Variants in HEATR9 observed in about 807,000 individuals in gnomAD.
The protein encoded by HEATR9 is HEAT repeat containing 9.
A neutral mutation model predicts 68.2 loss-of-function variants in HEATR9; 54 were observed. The observed-to-expected ratio is 0.79, with a 90% CI of 0.64 to 0.99. The LOEUF (loss-of-function observed/expected upper bound fraction) is 0.99, where lower values mean the gene tolerates loss of function less well. HEATR9 is among the 50% of genes least tolerant of loss of function. The pLI is 0.00. For synonymous variants in HEATR9, 241 were observed against 253.5 expected (o/e 0.95, Z 0.47); for missense variants, 662 against 679.7 (o/e 0.97, Z 0.29).
rs146713990 is a variant in HEATR9 at position 35,857,333 on chromosome 17, T to G, written c.1153-528A>C. ...TTCTGGTGGGGAGAATGGTGAGAGATGAAGCTAGAGAGGCAAGCAGGCTTG... is the reference window on the plus strand; with the variant it reads ...TTCTGGTGGGGAGAATGGTGAGAGAGGAAGCTAGAGAGGCAAGCAGGCTTG... On this transcript the variant is annotated intron_variant, in intron 11 of 14. Transcript: ENST00000604834. Among the ~76,000 whole-genome samples the G allele has an allele frequency of 7.5e-3, 1,142 of 152,160 alleles. 18 individuals are homozygous for G. Among genetic ancestry groups the G allele is most frequent in the African/African-American group, 0.027 (1,105 of 41,502 alleles).
At chr17:35,861,068 A>G in intron 8 of HEATR9, 1 of 871,318 alleles carries the variant, frequency 1.1e-6, no homozygotes. Context: ...AAATGGTTAC[A>G]GAGATTTTAA....
intron 13 of HEATR9, 99 bp from the exon 14 acceptor site, chr17:35,855,849 A>G (rs1340167409): frequency 9.9e-7 from 1 of 1,009,658 alleles, no homozygotes; most frequent in African/African-American, 1.6e-5. Flanking sequence ...TGCAGCATAG[A>G]GAGGGGGGAG....
intron 8 of HEATR9, chr17:35,861,326 A>G: frequency 6.9e-7 from 1 of 1,441,408 alleles, no homozygotes; most frequent in Non-Finnish European, 9.7e-7. Flanking sequence ...TCTTGCTAGT[A>G]TTTGATAGGT....
rs780742581 is a variant in HEATR9 at position 35,865,208 on chromosome 17, AAC to A, written c.320+5_320+6del. Reference sequence around the variant, plus strand: ...GTGAGAAGAATATGGAGGCCAGCAAAACACACCTACAGTCATCTCTCATTTTC... The same window carrying A: ...GTGAGAAGAATATGGAGGCCAGCAAAACACCTACAGTCATCTCTCATTTTC... On this transcript the variant is annotated splice_donor_5th_base_variant and intron_variant, in intron 3 of 14. Coordinates refer to ENST00000604834, the MANE Select transcript of HEATR9 (RefSeq NM_152781.4). 1.1e-5 allele frequency: 18 copies of A among 1,612,262 alleles called. No homozygotes were observed. The highest frequency in any genetic ancestry group is 3.3e-4 in the Middle Eastern group (2 of 6,040).
Position 35,864,262 on chromosome 17 carries a change from T to C in HEATR9, c.551A>G (p.Glu184Gly). ...CLRISDKFVMEALQQVAQTGP... is the reference protein window; with the variant it reads ...CLRISDKFVMGALQQVAQTGP... Reference sequence around the variant, plus strand: ...CAGACTCACCACCTGCTGTAGTGCCTCCATGACAAACTTGTCACTGATGCG... The same window carrying C: ...CAGACTCACCACCTGCTGTAGTGCCCCCATGACAAACTTGTCACTGATGCG... Residue 184 changes from glutamate (E) to glycine (G), a missense_variant, in exon 6 of 15, where the codon GAG becomes GGG. Physicochemically the swap from Glu to Gly is moderately conservative, Grantham distance 98. Transcript: ENST00000604834. 6.2e-7 allele frequency: 1 copy of C among 1,612,658 alleles called. No homozygotes were observed. The highest frequency in any genetic ancestry group is 1.1e-5 in the South Asian group (1 of 91,052).
chr17:35,855,097 T>G lies in HEATR9; in HGVS notation c.1679A>C (p.Lys560Thr), dbSNP rs1436866693. The change falls in exon 15 of 15, where the codon AAA (lysine) becomes ACA (threonine). Residue 560 changes from lysine (K) to threonine (T), a missense_variant. By Grantham distance (78) the Lys-to-Thr change is moderately conservative. Transcript: ENST00000604834. ...VIGPWQPRIK[K>T]QLRVLAEIAK ...AATTTCAGCAAGGACCCGGAGCTGT[T>G]TCTTGATCCTTGGCTGCCAGGGCCC... 1 of 1,613,854 alleles carries G rather than the reference T, an allele frequency of 6.2e-7. No homozygotes were observed. The highest frequency in any genetic ancestry group is 8.5e-7 in the Non-Finnish European group (1 of 1,179,990).
At chr17:35,861,408 T>G in intron 8 of HEATR9, 1 of 1,609,392 alleles carries the variant, frequency 6.2e-7, no homozygotes, top group Non-Finnish European at 8.5e-7. Context: ...TCCGGAATGC[T>G]TTGGTCCACC....
At position 35,857,449 on chromosome 17, in the gene HEATR9, A is replaced by T. The variant is rs74674525; in HGVS notation, c.1153-644T>A. ...AGGCACAATCTGATTTATATTTTTT[A>T]AAAATGTCTTTAGAAATATAACACC... On this transcript the variant is annotated intron_variant, in intron 11 of 14. Coordinates refer to ENST00000604834, the MANE Select transcript of HEATR9 (RefSeq NM_152781.4). Among the ~76,000 whole-genome samples the T allele has an allele frequency of 8.5e-3, 1,292 of 152,244 alleles. 26 individuals carry two copies. The highest frequency in any genetic ancestry group is 0.029 in the African/African-American group (1,213 of 41,530).
chr17:35,856,927 C>T, intron 11 of HEATR9, 122 bp from the exon 12 acceptor site: 1 of 887,838 alleles, frequency 1.1e-6, no homozygotes, highest in Non-Finnish European at 1.8e-6. Context: ...TTAAGGAGCT[C>T]ATAGTCTGGT....
At position 35,858,952 on chromosome 17, in the gene HEATR9, C is replaced by T. The variant is rs888293745; in HGVS notation, c.875G>A (p.Ser292Asn). ...CAACAAGAACTCTTGGACCATGTTG[C>T]TGCAAGGCCTCAGGAAACCCAGGCA... ...ALCLGFLRPC[S>N]NMVQEFLLQC... The change falls in exon 9 of 15, where the codon AGC becomes AAC. Residue 292 changes from serine to asparagine, a missense_variant. Transcript: ENST00000604834. 7.4e-6 allele frequency: 12 copies of T among 1,614,152 alleles called. No individual in the cohort carries two copies. The highest frequency in any genetic ancestry group is 1.0e-5 in the Non-Finnish European group (12 of 1,180,038).
In HEATR9 at chr17:35,864,852, A is replaced by C; in HGVS notation, c.359T>G (p.Phe120Cys). 6.2e-7 allele frequency: 1 copy of C among 1,614,208 alleles called. No homozygotes were observed. The highest frequency in any genetic ancestry group is 8.5e-7 in the Non-Finnish European group (1 of 1,180,034). Residue 120 changes from phenylalanine (F) to cysteine (C), a missense_variant, in exon 4 of 15, where the codon TTC becomes TGC. Phe to Cys is a radical substitution (Grantham distance 205, BLOSUM62 -2). Coordinates refer to ENST00000604834, the MANE Select transcript of HEATR9 (RefSeq NM_152781.4). ...KEVHQTHIKM[F>C]HLPMSKLTIK... Reference sequence around the variant, plus strand: ...AGTCAGCTTGCTCATTGGGAGATGGAACATTTTGATGTGGGTTTGATGTAC... The same window carrying C: ...AGTCAGCTTGCTCATTGGGAGATGGCACATTTTGATGTGGGTTTGATGTAC...
intron 9 of HEATR9, 130 bp from the exon 10 acceptor site, chr17:35,858,655 G>A: frequency 1.1e-6 from 1 of 883,256 alleles, no homozygotes; most frequent in Non-Finnish European, 1.7e-6. Flanking sequence ...TTCGCCTCTT[G>A]ACCACAGAAG....
chr17:35,868,141 C>G (rs1204610680), intron 1 of HEATR9, among the ~76,000 whole-genome samples: 1 of 152,120 alleles, frequency 6.6e-6, no homozygotes, highest in Non-Finnish European at 1.5e-5. Context: ...GCTTTGAGGA[C>G]CACTGTTCTA....
At chr17:35,867,361 G>A (rs2088238101) in intron 1 of HEATR9, among the ~76,000 whole-genome samples, 1 of 150,552 alleles carries the variant, frequency 6.6e-6, no homozygotes. Flanking sequence ...CTTCAACCTG[G>A]GAGGTGAAGG....
At chr17:35,861,922 G>A (rs1358083317) in intron 8 of HEATR9, among the ~76,000 whole-genome samples, 9 of 151,354 alleles carry the variant, frequency 5.9e-5, no homozygotes, top group African/African-American at 9.7e-5. Flanking sequence ...GCAATGGCGC[G>A]ATCTTGGCTC....
Position 35,858,535 on chromosome 17 carries a change from G to A in HEATR9, c.940-10C>T. ...CCAGCATCCTAAGTGCCTATGAGGG[G>A]GCAGGGTAGGGCAGGGTGTACAGGG... On this transcript the variant is annotated splice_polypyrimidine_tract_variant and intron_variant, in intron 9 of 14. Coordinates refer to ENST00000604834, the MANE Select transcript of HEATR9 (RefSeq NM_152781.4). 3 of 1,608,608 alleles carry A rather than the reference G, an allele frequency of 1.9e-6. No individual in the cohort carries two copies. The highest frequency in any genetic ancestry group is 2.6e-6 in the Non-Finnish European group (3 of 1,176,208).
chr17:35,863,774 A>G (rs1388287731), intron 6 of HEATR9: 1 of 612,336 alleles, frequency 1.6e-6, no homozygotes, highest in Non-Finnish European at 2.9e-6. Flanking sequence ...TCTATCTGGT[A>G]TCTTGTAGCC....
In HEATR9 at chr17:35,855,136, CTA is replaced by C; in HGVS notation, c.1638_1639del (p.His546GlnfsTer21). Reference sequence around the variant, plus strand: ...CTGCCAGGGCCCTATGACCTGTGGCCTATGTTTTCGTGGTTTCGAGCAGCACG... The same window carrying C: ...CTGCCAGGGCCCTATGACCTGTGGCCTGTTTTCGTGGTTTCGAGCAGCACG... On this transcript the variant is annotated frameshift_variant, in exon 15 of 15. Coordinates refer to ENST00000604834, the MANE Select transcript of HEATR9 (RefSeq NM_152781.4). LOFTEE classifies it low-confidence loss of function (END_TRUNC). 1 of 1,614,128 alleles carries C rather than the reference CTA, an allele frequency of 6.2e-7. No homozygotes were observed. The highest frequency in any genetic ancestry group is 8.5e-7 in the Non-Finnish European group (1 of 1,180,026).
At chr17:35,864,930 A>G in intron 3 of HEATR9, 40 bp from the exon 4 acceptor site, 1 of 1,613,768 alleles carries the variant, frequency 6.2e-7, no homozygotes, top group Non-Finnish European at 8.5e-7. Context: ...GTCCCTTTGT[A>G]CCTTCCCTCC....
Sources: allele counts gnomAD v4.1 joint callset (sites outside exome capture counted in the v4.1 genomes callset), GRCh38; gene constraint gnomAD v4.1.1; transcripts MANE v1.5; gene names NCBI Gene and HGNC (gene_info 2026-07-23, HGNC 2026-07-21).